OTUD7A: variants seen among roughly 807,000 people sequenced by gnomAD.
OTUD7A encodes the protein OTU deubiquitinase 7A.
A neutral mutation model predicts 65.7 loss-of-function variants in OTUD7A; 12 were observed. The observed-to-expected ratio is 0.18, with a 90% CI of 0.12 to 0.30. The LOEUF (loss-of-function observed/expected upper bound fraction) is 0.30, where lower values mean the gene tolerates loss of function less well. Among genes scored for constraint, OTUD7A ranks in the 10% least tolerant of loss-of-function variants. The pLI is 1.00. For synonymous variants in OTUD7A, 641 were observed against 586.3 expected, an observed-to-expected ratio of 1.09 and a Z score of -1.35; for missense variants, 1,148 against 1,304.8, an observed-to-expected ratio of 0.88 and a Z score of 1.85.
chr15:31,654,955 G>T, intron 3 of OTUD7A, 141 bp downstream of exon 3: 1 of 927,938 alleles, frequency 1.1e-6, no homozygotes, highest in South Asian at 2.4e-5. Context: ...ATAAAATTTT[G>T]ACTTAATATC....
At chr15:31,488,260 C>T (rs1333543439) in intron 10 of OTUD7A, among the ~76,000 whole-genome samples, 1 of 152,152 alleles carries the variant, frequency 6.6e-6, no homozygotes, top group Non-Finnish European at 1.5e-5. Context: ...AGTGATGAGC[C>T]ACTGGCTGGT....
chr15:31,687,249 G>A (rs1358165029), intron 1 of OTUD7A, among the ~76,000 whole-genome samples: 9 of 152,154 alleles, frequency 5.9e-5, no homozygotes, highest in Non-Finnish European at 8.8e-5. Context: ...GGAGGAAGCC[G>A]ATGGGGGAGT....
intron 1 of OTUD7A, among the ~76,000 whole-genome samples, chr15:31,808,511 T>A (rs965616530): frequency 1.3e-5 from 2 of 152,154 alleles, no homozygotes; most frequent in Non-Finnish European, 2.9e-5. Context: ...TGACACCACC[T>A]CCTTTTGGGT....
At chr15:31,740,228 T>G (rs1234662117) in intron 1 of OTUD7A, among the ~76,000 whole-genome samples, 1 of 152,032 alleles carries the variant, frequency 6.6e-6, no homozygotes, top group Non-Finnish European at 1.5e-5. Context: ...TGGAACAGCT[T>G]CTGGTGGGCA....
At chr15:31,586,233 G>A (rs1290962499) in intron 3 of OTUD7A, among the ~76,000 whole-genome samples, 1 of 152,210 alleles carries the variant, frequency 6.6e-6, no homozygotes, top group Non-Finnish European at 1.5e-5. Flanking sequence ...CAGATGTGGT[G>A]GGTGGGAGGC....
intron 1 of OTUD7A, among the ~76,000 whole-genome samples, chr15:31,758,478 G>A (rs1408294155): frequency 6.6e-6 from 1 of 152,118 alleles, no homozygotes; most frequent in African/African-American, 2.4e-5. Flanking sequence ...CTTCCCCGAC[G>A]CTCTTCTAAC....
chr15:31,708,971 G>A (rs561600620), intron 1 of OTUD7A, among the ~76,000 whole-genome samples: 69 of 151,642 alleles, frequency 4.6e-4, no homozygotes, highest in Admixed American at 4.6e-4. Context: ...GACAGCAGTC[G>A]AGGAGTAGAT....
intron 1 of OTUD7A, among the ~76,000 whole-genome samples, chr15:31,826,500 C>G (rs1020815369): frequency 6.6e-6 from 1 of 152,188 alleles, no homozygotes; most frequent in Non-Finnish European, 1.5e-5. Flanking sequence ...CTTTTTTTCC[C>G]TTGGCCTCCA....
intron 5 of OTUD7A, among the ~76,000 whole-genome samples, chr15:31,541,189 G>C (rs1887976941): frequency 1.3e-5 from 2 of 152,076 alleles, no homozygotes; most frequent in East Asian, 1.9e-4. Flanking sequence ...TTAGATTGTA[G>C]TATTAGGATA....
chr15:31,501,617 C>A, intron 10 of OTUD7A, 73 bp downstream of exon 10: 1 of 1,586,136 alleles, frequency 6.3e-7, no homozygotes, highest in Non-Finnish European at 8.6e-7. Context: ...CCTCCCCGTG[C>A]AATGGGGTCC....
Position 31,670,760 on chromosome 15 carries a change from A to G in OTUD7A, c.-99-13683T>C, listed in dbSNP as rs1428575100. ...TAATCCCAGCACTTTGGGAGGCCGAAGCGGGCGGATCACGAGGTCAGGAGA... is the reference window on the plus strand; with the variant it reads ...TAATCCCAGCACTTTGGGAGGCCGAGGCGGGCGGATCACGAGGTCAGGAGA... On this transcript the variant is annotated intron_variant, in intron 1 of 12. Coordinates refer to ENST00000307050, the MANE Select transcript of OTUD7A (RefSeq NM_001382637.1). Among the ~76,000 whole-genome samples the G allele has an allele frequency of 1.7e-4, 26 of 151,944 alleles. 1 individual carries two copies. The highest frequency in any genetic ancestry group is 4.1e-4 in the African/African-American group (17 of 41,454).
chr15:31,596,815 T>C (rs999927202), intron 3 of OTUD7A, among the ~76,000 whole-genome samples: 1 of 152,196 alleles, frequency 6.6e-6, no homozygotes, highest in Non-Finnish European at 1.5e-5. Context: ...TTTTCTATTG[T>C]TTGTATTTTT....
intron 1 of OTUD7A, among the ~76,000 whole-genome samples, chr15:31,836,368 T>TCTC (rs1231583581): frequency 1.3e-5 from 2 of 152,324 alleles, no homozygotes; most frequent in Non-Finnish European, 1.5e-5. Flanking sequence ...TCTGAAGTAC[T>TCTC]CTCCTTTTTT....
intron 1 of OTUD7A, among the ~76,000 whole-genome samples, chr15:31,739,068 C>A (rs1256510935): frequency 6.6e-6 from 1 of 152,092 alleles, no homozygotes; most frequent in Non-Finnish European, 1.5e-5. Flanking sequence ...GGGGAGCAGC[C>A]CAGACTTGTC....
chr15:31,475,863 T>A lies in OTUD7A; in HGVS notation c.*7431A>T, dbSNP rs2041009098. 6.6e-6 allele frequency: 1 copy of A among 152,170 alleles called. No individual in the cohort carries two copies. The highest frequency in any genetic ancestry group is 1.9e-4 in the East Asian group (1 of 5,202). The allele number at this position is 152,170 out of a possible 1,614,324, so 9.4% of individuals were successfully genotyped here. A position where few individuals can be genotyped will look rare whatever the true frequency, so the allele number is the denominator to read the frequency against. Reference sequence around the variant, plus strand: ...AAAATGGGAGAAATAAAGCAACATATATCATCCAAAAATCAGTCAAAGAAA... The same window carrying A: ...AAAATGGGAGAAATAAAGCAACATAAATCATCCAAAAATCAGTCAAAGAAA... On this transcript the variant is annotated 3_prime_UTR_variant, in exon 13 of 13. Coordinates refer to ENST00000307050, the MANE Select transcript of OTUD7A (RefSeq NM_001382637.1).
intron 3 of OTUD7A, among the ~76,000 whole-genome samples, chr15:31,605,074 G>A (rs1890198930): frequency 6.6e-6 from 1 of 152,216 alleles, no homozygotes; most frequent in Non-Finnish European, 1.5e-5. Context: ...TTCCACAGCT[G>A]TTTGTTTCTT....
rs1566993974 is a variant in OTUD7A at position 31,733,590 on chromosome 15, C to T, written c.-99-76513G>A. On this transcript the variant is annotated intron_variant, in intron 1 of 12. Transcript: ENST00000307050. ...CTCTATCCCGAGCATGCCCGTGGCT[C>T]TATCAGGGAACAGAGATTACATCTG... 2.0e-5 allele frequency among the ~76,000 whole-genome samples: 3 copies of T among 152,212 alleles called. No individual in the cohort carries two copies. The South Asian group carries it at 6.2e-4, about 32-fold the overall frequency.
intron 1 of OTUD7A, among the ~76,000 whole-genome samples, chr15:31,757,161 C>A (rs1894839168): frequency 6.6e-6 from 1 of 152,098 alleles, no homozygotes; most frequent in African/African-American, 2.4e-5. Flanking sequence ...AAGGCAGAGG[C>A]AGATCTCATT....
intron 6 of OTUD7A, among the ~76,000 whole-genome samples, chr15:31,529,541 CCAA>C (rs2042058834): frequency 6.6e-6 from 1 of 152,158 alleles, no homozygotes; most frequent in Admixed American, 6.5e-5. Flanking sequence ...TTTTGCAATG[CCAA>C]CAAGCAGAAT....
Sources: allele counts gnomAD v4.1 joint callset (sites outside exome capture counted in the v4.1 genomes callset), GRCh38; gene constraint gnomAD v4.1.1; transcripts MANE v1.5; gene names NCBI Gene and HGNC (gene_info 2026-07-23, HGNC 2026-07-21).